Variants in DLG2 observed in about 807,000 individuals in gnomAD.
The protein encoded by DLG2 is discs large MAGUK scaffold protein 2, also known as disks large homolog 2.
In DLG2, 45 loss-of-function variants were observed where a neutral mutation model predicts 132.5. The ratio of observed to expected loss-of-function variants is 0.34; its 90% CI spans 0.27 to 0.44. The LOEUF is 0.44. DLG2 is among the 20% of genes least tolerant of loss of function. DLG2 has a pLI of 1.00. For missense variants in DLG2, 1,045 were observed against 1,196.9 expected (o/e 0.87, Z 1.87); for synonymous variants, 424 against 419.6 (o/e 1.01, Z -0.13).
intron 10 of DLG2, among the ~76,000 whole-genome samples, chr11:84,065,081 A>C (rs918803613): frequency 6.6e-6 from 1 of 152,204 alleles, no homozygotes; most frequent in South Asian, 2.1e-4. Flanking sequence ...AGATGAATTA[A>C]AGACTTAAAT....
At position 84,755,447 on chromosome 11, in the gene DLG2, G is replaced by A. The variant is rs182310106; in HGVS notation, c.358-220716C>T. On this transcript the variant is annotated intron_variant, in intron 6 of 27. Coordinates refer to ENST00000376104, the MANE Select transcript of DLG2 (RefSeq NM_001142699.3). ...TTTTTTGTTTTGTTTTTTTTGAGAC[G>A]GAGTCTCGCTCTGTAGCCCAGGCTG... 1.1e-3 allele frequency among the ~76,000 whole-genome samples: 168 copies of A among 152,224 alleles called. 1 individual carries two copies. Among genetic ancestry groups the A allele is most frequent in the African/African-American group, 3.9e-3 (161 of 41,538 alleles).
chr11:84,161,435 G>A lies in DLG2; in HGVS notation c.624+2026C>T, dbSNP rs563705592. On this transcript the variant is annotated intron_variant, in intron 9 of 27. Transcript: ENST00000376104. Reference sequence around the variant, plus strand: ...GTTCACAAAGATATTGCTTGACATAGAGGCTTTGGAGAGGGGGCAGTTAAT... The same window carrying A: ...GTTCACAAAGATATTGCTTGACATAAAGGCTTTGGAGAGGGGGCAGTTAAT... Among the ~76,000 whole-genome samples the A allele has an allele frequency of 2.2e-4, 33 of 152,244 alleles. No homozygotes were observed. The East Asian group carries it at 4.6e-3, about 21-fold the overall frequency.
At chr11:84,410,690 C>T (rs1321415485) in intron 7 of DLG2, among the ~76,000 whole-genome samples, 2 of 142,594 alleles carry the variant, frequency 1.4e-5, no homozygotes, top group Non-Finnish European at 3.0e-5. Context: ...AGCGATTCTT[C>T]TACTTCAGCC....
chr11:83,477,875 T>C (rs2092743985), intron 22 of DLG2, among the ~76,000 whole-genome samples: 1 of 152,066 alleles, frequency 6.6e-6, no homozygotes, highest in Non-Finnish European at 1.5e-5. Context: ...CAAACCTGTG[T>C]GTCTTTTTTC....
intron 3 of DLG2, among the ~76,000 whole-genome samples, chr11:85,348,580 G>A (rs1193576926): frequency 1.3e-5 from 2 of 151,974 alleles, no homozygotes; most frequent in Admixed American, 6.6e-5. Flanking sequence ...GCAGCCAACC[G>A]GCATTTTAAA....
intron 3 of DLG2, among the ~76,000 whole-genome samples, chr11:85,313,408 G>T (rs190762005): frequency 7.9e-5 from 12 of 152,084 alleles, no homozygotes; most frequent in Admixed American, 5.2e-4. Context: ...GAGATTTTGG[G>T]ATTTATCTGT....
At chr11:85,429,891 A>G (rs1565481449) in intron 3 of DLG2, among the ~76,000 whole-genome samples, 1 of 152,216 alleles carries the variant, frequency 6.6e-6, no homozygotes. Flanking sequence ...ACATGCTGCT[A>G]TAAAGACACA....
chr11:84,738,301 C>G (rs542439108), intron 6 of DLG2, among the ~76,000 whole-genome samples: 1 of 151,544 alleles, frequency 6.6e-6, no homozygotes. Flanking sequence ...TTCTGCTTAA[C>G]GATGACATAA....
intron 14 of DLG2, among the ~76,000 whole-genome samples, chr11:83,956,495 G>A (rs751381367): frequency 3.3e-5 from 5 of 152,170 alleles, no homozygotes; most frequent in African/African-American, 2.4e-5. Context: ...GGCCCCACAC[G>A]GAGCTTGCTC....
At chr11:83,720,074 C>T (rs1358053088) in intron 18 of DLG2, among the ~76,000 whole-genome samples, 3 of 151,852 alleles carry the variant, frequency 2.0e-5, no homozygotes, top group Non-Finnish European at 4.4e-5. Context: ...GGACGGATCA[C>T]CTGAGGTCAG....
At chr11:85,555,187 C>A (rs2076872037) in intron 3 of DLG2, among the ~76,000 whole-genome samples, 1 of 151,842 alleles carries the variant, frequency 6.6e-6, no homozygotes, top group Non-Finnish European at 1.5e-5. Flanking sequence ...TTTACTTAAA[C>A]TGACTAAAAG....
chr11:85,545,520 A>T (rs1442082540), intron 3 of DLG2, among the ~76,000 whole-genome samples: 2 of 152,038 alleles, frequency 1.3e-5, no homozygotes, highest in African/African-American at 4.8e-5. Context: ...GTTAGGGTGG[A>T]TTCCCTCTTT....
At chr11:84,059,899 A>G (rs1476305519) in intron 10 of DLG2, among the ~76,000 whole-genome samples, 5 of 152,234 alleles carry the variant, frequency 3.3e-5, no homozygotes. Context: ...ACAATTATTT[A>G]CAGACTAATT....
At position 85,456,888 on chromosome 11, in the gene DLG2, G is replaced by C. The variant is rs74647472; in HGVS notation, c.40+141769C>G. ...CCAAGGATTACAACTTTAGAGTTGT[G>C]CCATGTGGTGATGAGAAGAATGTTT... On this transcript the variant is annotated intron_variant, in intron 3 of 27. Coordinates refer to ENST00000376104, the MANE Select transcript of DLG2 (RefSeq NM_001142699.3). Among the ~76,000 whole-genome samples, 637 of 152,170 alleles carry C rather than the reference G, an allele frequency of 4.2e-3. 9 individuals carry two copies. The highest frequency in any genetic ancestry group is 0.034 in the East Asian group (178 of 5,182).
chr11:85,577,219 T>G (rs553587540), intron 3 of DLG2, among the ~76,000 whole-genome samples: 13 of 152,076 alleles, frequency 8.5e-5, no homozygotes, highest in Non-Finnish European at 1.8e-4. Flanking sequence ...CAGATTGGCA[T>G]AAAAGTGAAA....
At chr11:84,495,225 C>T (rs1369156058) in intron 7 of DLG2, among the ~76,000 whole-genome samples, 1 of 152,266 alleles carries the variant, frequency 6.6e-6, no homozygotes, top group East Asian at 1.9e-4. Flanking sequence ...GACACAGGAA[C>T]TACTACTGCC....
chr11:84,923,341 A>G (rs2092848192), intron 6 of DLG2: 7 of 1,234,000 alleles, frequency 5.7e-6, no homozygotes, highest in Non-Finnish European at 7.1e-6. Context: ...TATGCCCAGT[A>G]ATTTCAATTA....
intron 27 of DLG2, among the ~76,000 whole-genome samples, chr11:83,461,171 G>C (rs769046624): frequency 6.6e-6 from 1 of 151,986 alleles, no homozygotes; most frequent in Non-Finnish European, 1.5e-5. Context: ...ACCACACCCA[G>C]CTAATTTTTT....
chr11:85,142,552 T>C (rs897846048), intron 5 of DLG2, among the ~76,000 whole-genome samples: 1 of 151,790 alleles, frequency 6.6e-6, no homozygotes, highest in Non-Finnish European at 1.5e-5. Context: ...GGATGCCCTT[T>C]ATTATTTCTC....
Sources: gnomAD v4.1 joint callset for allele counts (sites outside exome capture counted in the v4.1 genomes callset) on GRCh38, gnomAD v4.1.1 for gene constraint, MANE v1.5 for transcripts, NCBI Gene and HGNC (gene_info 2026-07-23, HGNC 2026-07-21) for gene names.